ARHGAP31: variants seen among roughly 807,000 people sequenced by gnomAD.
The protein encoded by ARHGAP31 is Rho GTPase activating protein 31.
Under a neutral mutation model 113.9 loss-of-function variants are expected in ARHGAP31, and 34 were observed. That is an observed-to-expected ratio of 0.30 (90% CI 0.23 to 0.40). ARHGAP31 has a LOEUF of 0.40. Ranked by LOEUF, ARHGAP31 falls within the 10% of genes least tolerant of loss-of-function variation. The probability of loss-of-function intolerance (pLI) is 1.00; values close to 1 mark genes in which losing one functional copy is unlikely to be tolerated. For synonymous variants in ARHGAP31, 650 were observed against 684.8 expected (o/e 0.95, Z 0.79); for missense variants, 1,548 against 1,767.1 (o/e 0.88, Z 2.22).
chr3:119,337,800 T>C (rs1470350490), intron 1 of ARHGAP31, among the ~76,000 whole-genome samples: 1 of 152,120 alleles, frequency 6.6e-6, no homozygotes, highest in Non-Finnish European at 1.5e-5. Context: ...AGAGCACTGA[T>C]TGGTGTGTTT....
At chr3:119,295,894 T>C (rs937043684) in intron 1 of ARHGAP31, among the ~76,000 whole-genome samples, 2 of 152,150 alleles carry the variant, frequency 1.3e-5, no homozygotes, top group Admixed American at 6.5e-5. Context: ...AGTTGGAAAA[T>C]TGAGCATTAA....
chr3:119,389,425 C>A (rs963275012), intron 6 of ARHGAP31, among the ~76,000 whole-genome samples: 19 of 152,102 alleles, frequency 1.2e-4, no homozygotes, highest in Admixed American at 1.2e-3. Context: ...AGTCTTTGAA[C>A]AAATATTCAA....
intron 1 of ARHGAP31, among the ~76,000 whole-genome samples, chr3:119,321,383 T>C (rs2079784344): frequency 1.4e-5 from 2 of 147,666 alleles, no homozygotes; most frequent in Non-Finnish European, 3.0e-5. Flanking sequence ...TAATAATACA[T>C]GCTTATCCTC....
chr3:119,361,047 T>C (rs1039555914), intron 1 of ARHGAP31, among the ~76,000 whole-genome samples: 9 of 152,226 alleles, frequency 5.9e-5, no homozygotes, highest in Non-Finnish European at 1.2e-4. Flanking sequence ...ATCAAGCTTC[T>C]ACCCTGTCCA....
At chr3:119,317,950 TA>T in intron 1 of ARHGAP31, among the ~76,000 whole-genome samples, 1 of 152,270 alleles carries the variant, frequency 6.6e-6, no homozygotes, top group East Asian at 1.9e-4. Flanking sequence ...GGACTTTAGT[TA>T]AAAAGGGAAT....
At chr3:119,399,143 C>A in intron 8 of ARHGAP31, 56 bp from the exon 9 acceptor site, 1 of 1,511,328 alleles carries the variant, frequency 6.6e-7, no homozygotes, top group Non-Finnish European at 9.2e-7. Context: ...ACCTATTTTT[C>A]TGAATGCTTT....
At chr3:119,316,511 A>G (rs1431513766) in intron 1 of ARHGAP31, among the ~76,000 whole-genome samples, 1 of 152,202 alleles carries the variant, frequency 6.6e-6, no homozygotes, top group Non-Finnish European at 1.5e-5. Context: ...TCAGGTTTCC[A>G]GCAAACAGAG....
chr3:119,324,110 CTG>C lies in ARHGAP31; in HGVS notation c.100+29108_100+29109del, dbSNP rs1337309242. Among the ~76,000 whole-genome samples the C allele has an allele frequency of 1.3e-5, 2 of 152,242 alleles. 1 individual carries two copies. Among genetic ancestry groups the C allele is most frequent in the African/African-American group, 4.8e-5 (2 of 41,464 alleles). ...ACCGAAGGGGTGAAGTCCTGGGACT[CTG>C]TTATGCCCATCTGTATGTAATCCTA... On this transcript the variant is annotated intron_variant, in intron 1 of 11. Transcript: ENST00000264245.
In ARHGAP31 at chr3:119,358,236, C is replaced by T. The variant is rs192578347; in HGVS notation, c.101-7080C>T. Among the ~76,000 whole-genome samples the T allele has an allele frequency of 5.1e-4, 78 of 152,234 alleles. 1 individual carries two copies. The highest frequency in any genetic ancestry group is 3.5e-3 in the Admixed American group (54 of 15,286). ...CATTTCTTCAAAAGAGATATACAAA[C>T]GGCCAGTAAGCACAAGAAAAGATGT... On this transcript the variant is annotated intron_variant, in intron 1 of 11. Coordinates refer to ENST00000264245, the MANE Select transcript of ARHGAP31 (RefSeq NM_020754.4).
At chr3:119,402,424 C>CA in intron 10 of ARHGAP31, 27 bp downstream of exon 10, 1 of 1,605,810 alleles carries the variant, frequency 6.2e-7, no homozygotes, top group Non-Finnish European at 8.5e-7. Context: ...GGGTATCTTT[C>CA]CGTTGCAAGA....
chr3:119,384,572 A>G (rs2107632785), intron 6 of ARHGAP31, among the ~76,000 whole-genome samples: 1 of 152,330 alleles, frequency 6.6e-6, no homozygotes, highest in East Asian at 1.9e-4. Flanking sequence ...ATGGAAAGTC[A>G]AGAGAGTGTG....
chr3:119,380,807 G>A (rs903846781), intron 3 of ARHGAP31, 97 bp from the exon 4 acceptor site: 3 of 989,922 alleles, frequency 3.0e-6, no homozygotes, highest in East Asian at 2.4e-5. Flanking sequence ...GCATGGTTGT[G>A]AGGCTGGAGT....
At chr3:119,352,428 G>T (rs1188925539) in intron 1 of ARHGAP31, among the ~76,000 whole-genome samples, 1 of 152,202 alleles carries the variant, frequency 6.6e-6, no homozygotes, top group East Asian at 1.9e-4. Context: ...TTATGTGTGA[G>T]TCAGATAGGC....
At chr3:119,329,858 T>C in intron 1 of ARHGAP31, 8 of 985,480 alleles carry the variant, frequency 8.1e-6, no homozygotes, top group Non-Finnish European at 8.4e-6. Context: ...CAAAGTGTTA[T>C]CCAAGCCTCA....
At chr3:119,343,039 G>T (rs935820568) in intron 1 of ARHGAP31, among the ~76,000 whole-genome samples, 1 of 152,072 alleles carries the variant, frequency 6.6e-6, no homozygotes, top group African/African-American at 2.4e-5. Flanking sequence ...ATAATTTGAT[G>T]AATTTTTCAA....
chr3:119,358,723 A>C (rs1355923170), intron 1 of ARHGAP31, among the ~76,000 whole-genome samples: 1 of 152,226 alleles, frequency 6.6e-6, no homozygotes, highest in East Asian at 1.9e-4. Context: ...ACTATGCTAA[A>C]TAAAAGAAGT....
chr3:119,324,955 T>C (rs2107604335), intron 1 of ARHGAP31: 1 of 456,696 alleles, frequency 2.2e-6, no homozygotes, highest in East Asian at 6.9e-5. Context: ...AATGTGTCAT[T>C]TGGGTAAGCA....
chr3:119,408,886 A>T (rs899202016), intron 10 of ARHGAP31, among the ~76,000 whole-genome samples: 3 of 152,218 alleles, frequency 2.0e-5, no homozygotes, highest in Admixed American at 2.0e-4. Context: ...TTGACAGGAG[A>T]TAACCCCTGG....
At chr3:119,393,383 T>C in intron 7 of ARHGAP31, 84 bp from the exon 8 acceptor site, 1 of 1,530,860 alleles carries the variant, frequency 6.5e-7, no homozygotes, top group South Asian at 1.1e-5. Flanking sequence ...ACTGAGGACA[T>C]AACTGGAATA....
Sources: allele counts gnomAD v4.1 joint callset (sites outside exome capture counted in the v4.1 genomes callset), GRCh38; gene constraint gnomAD v4.1.1; transcripts MANE v1.5; gene names NCBI Gene and HGNC (gene_info 2026-07-23, HGNC 2026-07-21).